AOPEP: variants seen among roughly 807,000 people sequenced by gnomAD.
AOPEP encodes the protein aminopeptidase O.
In AOPEP, 77 loss-of-function variants were observed where a neutral mutation model predicts 98.1. The ratio of observed to expected loss-of-function variants is 0.78; its 90% CI spans 0.65 to 0.95. The LOEUF is 0.95. Ranked by LOEUF, AOPEP falls within the 40% of genes least tolerant of loss-of-function variation. The probability of loss-of-function intolerance (pLI) is 0.00; values close to 1 mark genes in which losing one functional copy is unlikely to be tolerated. For synonymous variants in AOPEP, 346 were observed against 365.3 expected, an observed-to-expected ratio of 0.95 and a Z score of 0.60; for missense variants, 1,024 against 1,024.7, an observed-to-expected ratio of 1.00 and a Z score of 0.01.
rs188667965 is a variant in AOPEP, at chr9:95,008,413, G to A, written c.2115+2797G>A. 4.1e-4 allele frequency among the ~76,000 whole-genome samples: 63 copies of A among 152,306 alleles called. 1 individual carries two copies. The South Asian group carries it at 9.5e-3, about 23-fold the overall frequency. The stretch of plus-strand genomic sequence containing the variant: ...GAAAACAGTGCTCTAGTGAGAGGAC[G>A]GACTCTGACCACGGGCGCTGAGCAA... On this transcript the variant is annotated intron_variant, in intron 13 of 16. Coordinates refer to ENST00000375315, the MANE Select transcript of AOPEP (RefSeq NM_001193329.3).
At chr9:95,128,456 G>T in the AOPEP span, among the ~76,000 whole-genome samples, 3 of 152,172 alleles carry the variant, frequency 2.0e-5, no homozygotes, top group Non-Finnish European at 2.9e-5. Context: ...TTTCTAAATG[G>T]TCAAACTATC....
chr9:94,743,211 GGAAGAAGAGGAA>G (rs546486407), intron 1 of AOPEP, among the ~76,000 whole-genome samples: 15,073 of 146,018 alleles, frequency 0.1, 914 homozygotes, highest in African/African-American at 0.15. Context: ...AGGAAGAAGA[GGAAGAAGAGGAA>G]GAAGAAGAGG....
intron 13 of AOPEP, among the ~76,000 whole-genome samples, chr9:95,013,963 G>A (rs2062774621): frequency 6.6e-6 from 1 of 152,044 alleles, no homozygotes; most frequent in Admixed American, 6.6e-5. Context: ...GTTGTCACTT[G>A]GCTTTTGAGC....
At chr9:95,094,671 TTTC>T in the AOPEP span, among the ~76,000 whole-genome samples, 1 of 152,076 alleles carries the variant, frequency 6.6e-6, no homozygotes, top group African/African-American at 2.4e-5. Context: ...CTGCCTCTTT[TTTC>T]TTTTTTCTTT....
intron 5 of AOPEP, among the ~76,000 whole-genome samples, chr9:94,875,196 G>A (rs1450959677): frequency 2.0e-5 from 3 of 151,952 alleles, no homozygotes; most frequent in Non-Finnish European, 2.9e-5. Context: ...TGTGTTGGGG[G>A]TTATTTTTCA....
chr9:95,080,004 T>C (rs575941344), intron 14 of AOPEP, among the ~76,000 whole-genome samples: 1 of 152,228 alleles, frequency 6.6e-6, no homozygotes, highest in Non-Finnish European at 1.5e-5. Flanking sequence ...TCAAATCTGC[T>C]GCAGGAACTT....
intron 5 of AOPEP, among the ~76,000 whole-genome samples, chr9:94,827,162 G>A (rs1854810537): frequency 6.6e-6 from 1 of 152,202 alleles, no homozygotes; most frequent in African/African-American, 2.4e-5. Flanking sequence ...AACACGGTGA[G>A]CTGGAGCTCT....
chr9:94,983,005 C>CTTTTGTTTTG lies in AOPEP; in HGVS notation c.1977+3593_1977+3602dup, dbSNP rs1023880340. Reference sequence around the variant, plus strand: ...TTATTTTAGTTGCTACAGAACTGCGCTTTTGTTTTGTTTTGTTTTGTTTTT... The same window carrying CTTTTGTTTTG: ...TTATTTTAGTTGCTACAGAACTGCGCTTTTGTTTTGTTTTGTTTTGTTTTGTTTTGTTTTT... On this transcript the variant is annotated intron_variant, in intron 11 of 16. Coordinates refer to ENST00000375315, the MANE Select transcript of AOPEP (RefSeq NM_001193329.3). Among the ~76,000 whole-genome samples the CTTTTGTTTTG allele has an allele frequency of 7.9e-5, 12 of 151,952 alleles. No individual in the cohort carries two copies. The East Asian group carries it at 2.1e-3, about 27-fold the overall frequency.
At chr9:94,817,681 GA>G (rs1852012660) in intron 5 of AOPEP, among the ~76,000 whole-genome samples, 1 of 152,248 alleles carries the variant, frequency 6.6e-6, no homozygotes, top group Non-Finnish European at 1.5e-5. Context: ...GTTGGGAACA[GA>G]AGTGATTTAG....
chr9:95,099,569 G>A, the AOPEP span: 5 of 230,990 alleles, frequency 2.2e-5, no homozygotes, highest in African/African-American at 1.1e-4. Context: ...TGGAGGTGGA[G>A]GGAATGGCCG....
At chr9:95,041,733 G>A (rs1398234907) in intron 13 of AOPEP, among the ~76,000 whole-genome samples, 1 of 151,778 alleles carries the variant, frequency 6.6e-6, no homozygotes, top group Non-Finnish European at 1.5e-5. Flanking sequence ...GGCCCCTGGC[G>A]CTTTGTTTCA....
chr9:95,026,435 G>A (rs1437008161), intron 13 of AOPEP, among the ~76,000 whole-genome samples: 2 of 152,184 alleles, frequency 1.3e-5, no homozygotes, highest in African/African-American at 4.8e-5. Context: ...TTTCATATCA[G>A]TGGAATCATA....
At chr9:94,949,494 G>C (rs2057943253) in intron 7 of AOPEP, among the ~76,000 whole-genome samples, 1 of 152,178 alleles carries the variant, frequency 6.6e-6, no homozygotes, top group South Asian at 2.1e-4. Context: ...TCCTCCTTCT[G>C]TCTTAAATCA....
chr9:95,022,288 C>T (rs879733536), intron 13 of AOPEP: 3 of 152,084 alleles, frequency 2.0e-5, no homozygotes, highest in Non-Finnish European at 2.9e-5. Context: ...CTATGGTATT[C>T]TTAGTGGGGT....
At chr9:95,048,502 C>T (rs945342586) in intron 13 of AOPEP, among the ~76,000 whole-genome samples, 3 of 152,194 alleles carry the variant, frequency 2.0e-5, no homozygotes, top group South Asian at 2.1e-4. Flanking sequence ...GAGATACTCA[C>T]GGGCGCGGGA....
chr9:94,843,238 C>T (rs758237998), intron 5 of AOPEP, among the ~76,000 whole-genome samples: 1 of 152,156 alleles, frequency 6.6e-6, no homozygotes, highest in African/African-American at 2.4e-5. Context: ...CATCTTGTTT[C>T]CCTTACCTAG....
intron 5 of AOPEP, among the ~76,000 whole-genome samples, chr9:94,863,561 G>A (rs2135472290): frequency 6.6e-6 from 1 of 152,274 alleles, no homozygotes; most frequent in Non-Finnish European, 1.5e-5. Context: ...GATTACAGGT[G>A]CATGCCACAA....
rs1256034596 is a variant in AOPEP at position 94,930,081 on chromosome 9, T to G, written c.1661+1550T>G. 6.6e-6 allele frequency among the ~76,000 whole-genome samples: 1 copy of G among 152,188 alleles called. No individual in the cohort carries two copies. The highest frequency in any genetic ancestry group is 2.4e-5 in the African/African-American group (1 of 41,446). On this transcript the variant is annotated intron_variant, in intron 7 of 16. Coordinates refer to ENST00000375315, the MANE Select transcript of AOPEP (RefSeq NM_001193329.3). This position sits in a 1 kb window ranked among gnomAD's most constrained non-coding sequence, Gnocchi z 4.5. ...TATGATCTGCTCAGTATTTGGACGGTGCTGCTCTGCTGCTGTGTGGAGAGC... is the reference window on the plus strand; with the variant it reads ...TATGATCTGCTCAGTATTTGGACGGGGCTGCTCTGCTGCTGTGTGGAGAGC...
intron 13 of AOPEP, among the ~76,000 whole-genome samples, chr9:95,056,959 G>A (rs528651218): frequency 6.6e-6 from 1 of 152,224 alleles, no homozygotes; most frequent in Non-Finnish European, 1.5e-5. Context: ...GTAAATTTCC[G>A]AGGCAGATGC....
Sources: gnomAD v4.1 joint callset for allele counts (sites outside exome capture counted in the v4.1 genomes callset) on GRCh38, gnomAD v4.1.1 for gene constraint, Gnocchi (gnomAD v3.1) non-coding constraint, MANE v1.5 for transcripts, NCBI Gene and HGNC (gene_info 2026-07-23, HGNC 2026-07-21) for gene names.